AUTS2: variants seen among roughly 807,000 people sequenced by gnomAD.
The protein encoded by AUTS2 is autism susceptibility gene 2 protein.
AUTS2 carries 17 observed loss-of-function variants against 112.4 expected under a neutral mutation model. That is an observed-to-expected ratio of 0.15 (90% CI 0.10 to 0.23). The LOEUF (loss-of-function observed/expected upper bound fraction) is 0.23. AUTS2 is among the 10% of genes least tolerant of loss of function. AUTS2 has a pLI of 1.00. For synonymous variants in AUTS2, 751 were observed against 702.7 expected (o/e 1.07, Z -1.09); for missense variants, 1,510 against 1,701.6 (o/e 0.89, Z 1.98).
chr7:70,062,854 C>CT (rs1018713960), intron 2 of AUTS2, among the ~76,000 whole-genome samples: 1 of 152,138 alleles, frequency 6.6e-6, no homozygotes, highest in African/African-American at 2.4e-5. Flanking sequence ...AGGCTACTTC[C>CT]TTTTTGATTC....
intron 2 of AUTS2, among the ~76,000 whole-genome samples, chr7:69,914,672 C>T (rs1795503304): frequency 6.6e-6 from 1 of 150,954 alleles, no homozygotes; most frequent in Non-Finnish European, 1.5e-5. Context: ...TAGAGGTAAT[C>T]CAAAAGAGAC....
intron 4 of AUTS2, among the ~76,000 whole-genome samples, chr7:70,145,306 C>A (rs1268092405): frequency 6.6e-6 from 1 of 151,986 alleles, no homozygotes; most frequent in Non-Finnish European, 1.5e-5. Context: ...TTCTTTGTAG[C>A]CATCGTGTAC....
intron 4 of AUTS2, among the ~76,000 whole-genome samples, chr7:70,208,110 A>G (rs1271029557): frequency 6.6e-6 from 1 of 152,002 alleles, no homozygotes; most frequent in African/African-American, 2.4e-5. Context: ...CTTTCTACAC[A>G]TCTTTGACTT....
At position 69,603,095 on chromosome 7, in the gene AUTS2, C is replaced by T. The variant is rs562645920; in HGVS notation, c.309+3133C>T. Among the ~76,000 whole-genome samples the T allele has an allele frequency of 1.2e-4, 18 of 152,258 alleles. 1 individual carries two copies. The highest frequency in any genetic ancestry group is 1.0e-3 in the South Asian group (5 of 4,828). On this transcript the variant is annotated intron_variant, in intron 1 of 18. Coordinates refer to ENST00000342771, the MANE Select transcript of AUTS2 (RefSeq NM_015570.4). ...TTATCCTAAATACGTAGTATGTTTT[C>T]GGGCCTTGTGTTTAGAAATGAAATC... is the stretch of plus-strand genomic sequence containing the variant.
intron 1 of AUTS2, among the ~76,000 whole-genome samples, chr7:69,691,851 G>C (rs1797361131): frequency 6.6e-6 from 1 of 152,192 alleles, no homozygotes; most frequent in Non-Finnish European, 1.5e-5. Flanking sequence ...CCTGTAGGGA[G>C]GATAGATTTT....
intron 5 of AUTS2, among the ~76,000 whole-genome samples, chr7:70,495,227 C>T (rs1218613878): frequency 7.3e-6 from 1 of 136,058 alleles, no homozygotes; most frequent in Non-Finnish European, 1.5e-5. Context: ...TGTGAATAAC[C>T]TTTTCTTTAA....
intron 1 of AUTS2, among the ~76,000 whole-genome samples, chr7:69,601,595 ATGT>A (rs1792412913): frequency 6.6e-6 from 1 of 151,306 alleles, no homozygotes; most frequent in South Asian, 2.1e-4. Flanking sequence ...GGTGATGGTG[ATGT>A]TGGTGGTATT....
intron 5 of AUTS2, among the ~76,000 whole-genome samples, chr7:70,458,553 C>T (rs1443425470): frequency 2.0e-5 from 3 of 152,178 alleles, no homozygotes; most frequent in African/African-American, 7.2e-5. Flanking sequence ...AGTGGCCGGG[C>T]TTTCTTAGTA....
At chr7:70,026,765 T>C (rs939906509) in intron 2 of AUTS2, among the ~76,000 whole-genome samples, 42 of 152,188 alleles carry the variant, frequency 2.8e-4, no homozygotes, top group African/African-American at 9.4e-4. Flanking sequence ...TATACATATG[T>C]GCTCCTTTGT....
At chr7:69,733,279 A>G (rs566157962) in intron 1 of AUTS2, among the ~76,000 whole-genome samples, 1 of 152,312 alleles carries the variant, frequency 6.6e-6, no homozygotes. Context: ...ATGCAAGAGC[A>G]GAGAGGGAAC....
intron 5 of AUTS2, among the ~76,000 whole-genome samples, chr7:70,650,913 G>A (rs1419916253): frequency 6.6e-6 from 1 of 152,194 alleles, no homozygotes; most frequent in African/African-American, 2.4e-5. Context: ...CAAATCAGGG[G>A]AAGAAAGGAT....
At chr7:69,876,605 T>C (rs1793815509) in intron 1 of AUTS2, among the ~76,000 whole-genome samples, 1 of 142,766 alleles carries the variant, frequency 7.0e-6, no homozygotes, top group African/African-American at 2.6e-5. Context: ...CTTGGTGCTG[T>C]GGGATATTTG....
chr7:69,770,153 T>G (rs1262209143), intron 1 of AUTS2, among the ~76,000 whole-genome samples: 1 of 152,172 alleles, frequency 6.6e-6, no homozygotes, highest in Non-Finnish European at 1.5e-5. Context: ...CTGGTCATCT[T>G]TTATTGAGAG....
At position 70,608,368 on chromosome 7, in the gene AUTS2, G is replaced by A. The variant is rs547403966; in HGVS notation, c.691-90201G>A. On this transcript the variant is annotated intron_variant, in intron 5 of 18. Coordinates refer to ENST00000342771, the MANE Select transcript of AUTS2 (RefSeq NM_015570.4). ...AATCCTCCCACCCTGGACTCCCAAA[G>A]TGCTGGGATTACAGGTGTGAGTCAC... Among the ~76,000 whole-genome samples the A allele has an allele frequency of 2.6e-3, 390 of 152,258 alleles. 1 individual carries two copies. The highest frequency in any genetic ancestry group is 8.1e-3 in the African/African-American group (336 of 41,544).
chr7:70,780,026 T>TAA (rs60802237), intron 14 of AUTS2, among the ~76,000 whole-genome samples: 3,053 of 137,076 alleles, frequency 0.022, 110 homozygotes, highest in African/African-American at 0.075. Flanking sequence ...CTCATCTCTT[T>TAA]AAAAAAAAAA....
chr7:70,453,277 C>T (rs1014474043), intron 5 of AUTS2, among the ~76,000 whole-genome samples: 4 of 152,084 alleles, frequency 2.6e-5, no homozygotes, highest in South Asian at 4.2e-4. Context: ...TAAAAGATGA[C>T]GGGGGAGACT....
intron 1 of AUTS2, among the ~76,000 whole-genome samples, chr7:69,793,759 A>G (rs1789722083): frequency 6.6e-6 from 1 of 152,104 alleles, no homozygotes; most frequent in Non-Finnish European, 1.5e-5. Flanking sequence ...AACATTTAAA[A>G]ACATTAAATT....
chr7:70,377,556 G>C (rs985608082), intron 4 of AUTS2, among the ~76,000 whole-genome samples: 1 of 150,476 alleles, frequency 6.6e-6, no homozygotes, highest in Non-Finnish European at 1.5e-5. Context: ...TTGTCGTACA[G>C]CCATCACCAC....
At chr7:70,659,300 C>A (rs1227037483) in intron 5 of AUTS2, among the ~76,000 whole-genome samples, 2 of 152,238 alleles carry the variant, frequency 1.3e-5, no homozygotes, top group Admixed American at 1.3e-4. Context: ...AAGCTTTAAA[C>A]ATACTAAACC....
Sources: gnomAD v4.1 joint callset for allele counts (sites outside exome capture counted in the v4.1 genomes callset) on GRCh38, gnomAD v4.1.1 for gene constraint, MANE v1.5 for transcripts, NCBI Gene and HGNC (gene_info 2026-07-23, HGNC 2026-07-21) for gene names.